Variants in TLK2 observed in about 807,000 individuals in gnomAD.
The protein encoded by TLK2 is tousled like kinase 2.
TLK2 carries 6 observed loss-of-function variants against 117.3 expected under a neutral mutation model. That is an observed-to-expected ratio of 0.05 (90% CI 0.03 to 0.10). The LOEUF (loss-of-function observed/expected upper bound fraction) is 0.10. TLK2 is among the 10% of genes least tolerant of loss of function. TLK2 has a pLI of 1.00. For synonymous variants in TLK2, 257 were observed against 316.7 expected, an observed-to-expected ratio of 0.81 and a Z score of 2.00; for missense variants, 299 against 901.2, an observed-to-expected ratio of 0.33 and a Z score of 8.56.
Position 62,549,419 on chromosome 17 carries a change from A to AAAAAAAAAAAAAGT in TLK2, c.532-2871_532-2870insGTAAAAAAAAAAAA, listed in dbSNP as rs2078238520. Among the ~76,000 whole-genome samples the AAAAAAAAAAAAAGT allele has an allele frequency of 2.8e-3, 22 of 7,758 alleles. 2 individuals carry two copies. Among genetic ancestry groups the AAAAAAAAAAAAAGT allele is most frequent in the Non-Finnish European group, 7.2e-3 (15 of 2,092 alleles). 5.1% of individuals were successfully genotyped at this position (7,758 alleles called of 152,430 possible). A position where few individuals can be genotyped will look rare whatever the true frequency, so the allele number is the denominator to read the frequency against. ...ATCTCAAAAAAAAAAAAAAAAAAAA[A>AAAAAAAAAAAAAGT]AAAAAAAAAAAAAAAAAATAGAAAC... On this transcript the variant is annotated intron_variant, in intron 7 of 21. Coordinates refer to ENST00000346027, the MANE Select transcript of TLK2 (RefSeq NM_006852.6).
intron 19 of TLK2, among the ~76,000 whole-genome samples, chr17:62,603,447 C>G (rs577854413): frequency 7.9e-5 from 12 of 152,180 alleles, no homozygotes; most frequent in African/African-American, 2.9e-4. Flanking sequence ...AAAATATCTG[C>G]TGCTGGAAAT....
chr17:62,516,205 A>G, intron 2 of TLK2: 2 of 641,756 alleles, frequency 3.1e-6, no homozygotes, highest in East Asian at 3.1e-5. Flanking sequence ...GATTACAGGC[A>G]TGAGTCACCG....
intron 2 of TLK2, among the ~76,000 whole-genome samples, chr17:62,485,844 G>A (rs920867047): frequency 2.9e-5 from 4 of 137,412 alleles, no homozygotes; most frequent in East Asian, 2.1e-4. Flanking sequence ...TTTTTGAGAC[G>A]GAATCTCACT....
intron 2 of TLK2, among the ~76,000 whole-genome samples, chr17:62,514,764 A>C (rs1042793978): frequency 1.1e-4 from 16 of 151,724 alleles, no homozygotes; most frequent in Non-Finnish European, 2.9e-5. Flanking sequence ...TTTTTAGTAG[A>C]GATGGGGTTT....
At chr17:62,556,804 C>T (rs938120180) in intron 9 of TLK2, among the ~76,000 whole-genome samples, 12 of 152,116 alleles carry the variant, frequency 7.9e-5, no homozygotes, top group African/African-American at 2.9e-4. Flanking sequence ...GATTTCTCTC[C>T]TTTATTTCTC....
chr17:62,536,243 T>C lies in TLK2; in HGVS notation c.437T>C (p.Leu146Pro). 6.2e-7 allele frequency: 1 copy of C among 1,613,300 alleles called. No homozygotes were observed. Among genetic ancestry groups the C allele is most frequent in the Non-Finnish European group, 8.5e-7 (1 of 1,179,832 alleles). The change falls in exon 7 of 22, where the codon CTG becomes CCG. Residue 146 changes from leucine to proline, a missense_variant. Leu to Pro is a moderately conservative substitution (Grantham distance 98). Coordinates refer to ENST00000346027, the MANE Select transcript of TLK2 (RefSeq NM_006852.6). ...GAGGCAACGGAGGAGCAGTCTGCTCTGCCAACCCTCATGTCAGTGATGCTA... is the reference window on the plus strand; with the variant it reads ...GAGGCAACGGAGGAGCAGTCTGCTCCGCCAACCCTCATGTCAGTGATGCTA... ...AKEATEEQSA[L>P]PTLMSVMLAK...
chr17:62,558,691 C>T (rs1288482857), intron 9 of TLK2, among the ~76,000 whole-genome samples: 10 of 152,236 alleles, frequency 6.6e-5, no homozygotes, highest in Non-Finnish European at 1.2e-4. Context: ...TCACACTTAC[C>T]CAAATGTAGT....
chr17:62,594,414 A>G (rs1302001915), intron 16 of TLK2, among the ~76,000 whole-genome samples: 1 of 152,134 alleles, frequency 6.6e-6, no homozygotes, highest in East Asian at 1.9e-4. Flanking sequence ...TCTCAAAAAC[A>G]AAAAAAGTGC....
rs2084010080 is a variant in TLK2 at position 62,614,724 on chromosome 17, C to T, written c.*2159C>T. ...TTATTACAATTTATATGTATATACACATGCACATATAAACGTGTGCATTTA... is the reference window on the plus strand; with the variant it reads ...TTATTACAATTTATATGTATATACATATGCACATATAAACGTGTGCATTTA... On this transcript the variant is annotated 3_prime_UTR_variant, in exon 22 of 22. Coordinates refer to ENST00000346027, the MANE Select transcript of TLK2 (RefSeq NM_006852.6). 6.6e-6 allele frequency: 1 copy of T among 152,184 alleles called. No homozygotes were observed. The highest frequency in any genetic ancestry group is 1.5e-5 in the Non-Finnish European group (1 of 68,040). The allele number at this position is 152,184 out of a possible 1,614,324, so 9.4% of individuals were successfully genotyped here. A position where few individuals can be genotyped will look rare whatever the true frequency, so the allele number is the denominator to read the frequency against.
At chr17:62,473,304 G>A (rs2070977256) in intron 1 of TLK2, among the ~76,000 whole-genome samples, 1 of 152,124 alleles carries the variant, frequency 6.6e-6, no homozygotes, top group African/African-American at 2.4e-5. Flanking sequence ...TGATGACCAT[G>A]ACCCTCTGGT....
At chr17:62,589,215 C>T (rs960469700) in intron 16 of TLK2, among the ~76,000 whole-genome samples, 5 of 152,020 alleles carry the variant, frequency 3.3e-5, no homozygotes, top group Admixed American at 6.5e-5. Flanking sequence ...TTTAGTATTA[C>T]GACTGCTTTA....
intron 4 of TLK2, among the ~76,000 whole-genome samples, chr17:62,522,545 G>A (rs1019002308): frequency 1.3e-5 from 2 of 152,016 alleles, no homozygotes; most frequent in Admixed American, 1.3e-4. Context: ...AATATATATT[G>A]TACAAAAAAG....
chr17:62,600,877 CT>C, intron 18 of TLK2, 57 bp downstream of exon 18: 1 of 1,458,466 alleles, frequency 6.9e-7, no homozygotes, highest in Non-Finnish European at 9.2e-7. Context: ...TTATAAGTGA[CT>C]TTTAATTTGA....
intron 2 of TLK2, among the ~76,000 whole-genome samples, chr17:62,515,593 C>A (rs1464915371): frequency 6.6e-6 from 1 of 152,120 alleles, no homozygotes; most frequent in East Asian, 1.9e-4. Context: ...TGATTTTGAG[C>A]ATCTTTTCAT....
At chr17:62,503,052 C>CTTTT (rs535547546) in intron 2 of TLK2, among the ~76,000 whole-genome samples, 26 of 87,154 alleles carry the variant, frequency 3.0e-4, no homozygotes, top group East Asian at 3.6e-4. Flanking sequence ...TTTGGCTTAA[C>CTTTT]TTTTTTTTTT....
intron 11 of TLK2, among the ~76,000 whole-genome samples, chr17:62,570,472 C>T (rs1367215078): frequency 6.6e-6 from 1 of 152,108 alleles, no homozygotes; most frequent in Non-Finnish European, 1.5e-5. Context: ...ATACGGATTG[C>T]TAAGACACGA....
intron 6 of TLK2, 39 bp downstream of exon 6, chr17:62,524,370 G>T: frequency 6.4e-7 from 1 of 1,573,340 alleles, no homozygotes; most frequent in Non-Finnish European, 8.7e-7. Flanking sequence ...CCTGTTGTAG[G>T]AGACAAGATG....
intron 11 of TLK2, among the ~76,000 whole-genome samples, chr17:62,569,029 G>T (rs868598439): frequency 7.0e-4 from 57 of 81,252 alleles, no homozygotes; most frequent in African/African-American, 3.0e-3. Flanking sequence ...TGGGCTGGTT[G>T]TGGTGTGGCT....
intron 9 of TLK2, among the ~76,000 whole-genome samples, chr17:62,559,781 A>G (rs778824996): frequency 6.6e-6 from 1 of 152,224 alleles, no homozygotes; most frequent in Non-Finnish European, 1.5e-5. Context: ...CAGTAGAAAA[A>G]CATGCCCAAA....
Sources: gnomAD v4.1 joint callset for allele counts (sites outside exome capture counted in the v4.1 genomes callset) on GRCh38, gnomAD v4.1.1 for gene constraint, MANE v1.5 for transcripts, NCBI Gene and HGNC (gene_info 2026-07-23, HGNC 2026-07-21) for gene names.